The following NR5A2 variants were observed in gnomAD, a reference collection of about 807,000 sequenced individuals.
The protein encoded by NR5A2 is CYP7A promoter-binding factor.
In NR5A2, 26 loss-of-function variants were observed where a neutral mutation model predicts 62.7. That is an observed-to-expected ratio of 0.41 (90% CI 0.30 to 0.58). NR5A2 has a LOEUF of 0.58. NR5A2 is among the 20% of genes least tolerant of loss of function. The pLI, the probability that NR5A2 is intolerant of heterozygous loss-of-function variation, is 0.22. For missense variants in NR5A2, 541 were observed against 669.1 expected, an observed-to-expected ratio of 0.81 and a Z score of 2.11; for synonymous variants, 246 against 241.7, an observed-to-expected ratio of 1.02 and a Z score of -0.16.
intron 1 of NR5A2, among the ~76,000 whole-genome samples, chr1:200,032,238 G>A (rs1190326679): frequency 6.6e-6 from 1 of 152,212 alleles, no homozygotes; most frequent in Admixed American, 6.5e-5. Flanking sequence ...CTTCAGGAGG[G>A]CATTGTGCTC....
chr1:200,133,574 C>T (rs1470010382), intron 7 of NR5A2, among the ~76,000 whole-genome samples: 75 of 127,236 alleles, frequency 5.9e-4, no homozygotes, highest in Middle Eastern at 3.9e-3. Context: ...TATATATATA[C>T]ACATATATAT....
chr1:200,057,826 A>T (rs1371655192), intron 5 of NR5A2: 1 of 170,266 alleles, frequency 5.9e-6, no homozygotes, highest in East Asian at 2.0e-4. Flanking sequence ...AGATGGAGTT[A>T]CACTCTTGTT....
chr1:200,105,463 A>C (rs953854547), intron 5 of NR5A2, among the ~76,000 whole-genome samples: 9 of 152,192 alleles, frequency 5.9e-5, no homozygotes, highest in Non-Finnish European at 5.9e-5. Context: ...ATGGATTCAC[A>C]CTTCTGTCTC....
rs987775691 is a variant in NR5A2, at chr1:200,048,229, G to T, written c.521G>T (p.Arg174Ile). Reference protein sequence around the residue: ...GRNKFGPMYKRDRALKQQKKA... With the variant: ...GRNKFGPMYKIDRALKQQKKA... ...AATAAGTTTGGGCCAATGTACAAGA[G>T]AGACAGGGCCCTGAAGCAACAGAAA... is the stretch of plus-strand genomic sequence containing the variant. The change falls in exon 5 of 8, where the codon AGA (arginine) becomes ATA (isoleucine). Residue 174 changes from arginine to isoleucine, a missense_variant. Transcript: ENST00000367362. This position sits in a 1 kb window ranked among gnomAD's most constrained non-coding sequence, Gnocchi z 4.8. The T allele has an allele frequency of 6.2e-7, 1 of 1,613,910 alleles. No homozygotes were observed. Among genetic ancestry groups the T allele is most frequent in the Non-Finnish European group, 8.5e-7 (1 of 1,180,030 alleles).
intron 1 of NR5A2, 63 bp downstream of exon 1, chr1:200,027,974 C>T (rs1661405844): frequency 8.4e-7 from 1 of 1,183,816 alleles, no homozygotes; most frequent in Admixed American, 2.5e-5. Flanking sequence ...ATAATTTAAT[C>T]TTGTTGATGG....
At chr1:200,113,846 A>C (rs2102297907) in intron 6 of NR5A2, among the ~76,000 whole-genome samples, 1 of 152,326 alleles carries the variant, frequency 6.6e-6, no homozygotes, top group East Asian at 1.9e-4. Context: ...TATATTAAGT[A>C]TAAGAGTAAA....
intron 5 of NR5A2, among the ~76,000 whole-genome samples, chr1:200,078,010 G>T (rs184692238): frequency 1.3e-5 from 2 of 152,278 alleles, no homozygotes; most frequent in African/African-American, 4.8e-5. Context: ...TTGAAGCCTA[G>T]TGATAGTCCC....
rs1456943974 is a variant in NR5A2 at position 200,027,730 on chromosome 1, A to C, written c.-118A>C. 1 of 530,770 alleles carries C rather than the reference A, an allele frequency of 1.9e-6. No homozygotes were observed. Among genetic ancestry groups the C allele is most frequent in the Non-Finnish European group, 3.4e-6 (1 of 298,078 alleles). 32.9% of individuals were successfully genotyped at this position (530,770 alleles called of 1,614,324 possible). A position where few individuals can be genotyped will look rare whatever the true frequency, so the allele number is the denominator to read the frequency against. ...CCTTTGCTTTTTCTTAACTTTCACT[A>C]AGGGTTACTGTAGTCTGATGTGTCC... On this transcript the variant is annotated 5_prime_UTR_variant, in exon 1 of 8. Transcript: ENST00000367362.
intron 1 of NR5A2, chr1:200,038,830 G>T: frequency 8.7e-7 from 1 of 1,145,374 alleles, no homozygotes; most frequent in South Asian, 1.4e-5. Context: ...GTGGGAGGGG[G>T]TGAGGCGGGG....
At chr1:200,133,600 T>TAC (rs559997490) in intron 7 of NR5A2, among the ~76,000 whole-genome samples, 1,237 of 95,118 alleles carry the variant, frequency 0.013, 28 homozygotes, top group African/African-American at 0.052. Flanking sequence ...TATATATATA[T>TAC]ACACATATAT....
chr1:200,040,702 C>T (rs572060681), intron 2 of NR5A2, among the ~76,000 whole-genome samples: 1 of 152,346 alleles, frequency 6.6e-6, no homozygotes, highest in Admixed American at 6.5e-5. Flanking sequence ...CCTGTGATCC[C>T]GGAACGCTTC....
chr1:200,064,910 C>A (rs1326906447), intron 5 of NR5A2, among the ~76,000 whole-genome samples: 8 of 151,994 alleles, frequency 5.3e-5, no homozygotes, highest in Admixed American at 5.2e-4. Context: ...GTCCTTGTTT[C>A]ATATTTAATT....
intron 7 of NR5A2, among the ~76,000 whole-genome samples, chr1:200,162,439 C>T (rs1379513290): frequency 1.3e-5 from 2 of 152,226 alleles, no homozygotes; most frequent in Admixed American, 6.5e-5. Flanking sequence ...TGAAATAAAA[C>T]GGGATAGATA....
chr1:200,160,982 CAAA>C (rs56332154), intron 7 of NR5A2, among the ~76,000 whole-genome samples: 1 of 139,498 alleles, frequency 7.2e-6, no homozygotes, highest in Admixed American at 7.2e-5. Context: ...GACGTGAGTA[CAAA>C]AAAAAAAAAA....
intron 5 of NR5A2, among the ~76,000 whole-genome samples, chr1:200,094,795 G>T (rs527671439): frequency 1.3e-5 from 2 of 151,908 alleles, no homozygotes; most frequent in African/African-American, 4.8e-5. Flanking sequence ...GCCTCCCAAA[G>T]TGCTGGGATT....
intron 5 of NR5A2, among the ~76,000 whole-genome samples, chr1:200,103,807 G>A (rs1424539845): frequency 6.6e-6 from 1 of 152,168 alleles, no homozygotes; most frequent in Non-Finnish European, 1.5e-5. Flanking sequence ...GAAGATTTTC[G>A]AAGAGAAGTC....
In NR5A2 at chr1:200,048,406, C is replaced by A; in HGVS notation, c.698C>A (p.Thr233Lys). 1 of 1,614,246 alleles carries A rather than the reference C, an allele frequency of 6.2e-7. No individual in the cohort carries two copies. Among genetic ancestry groups the A allele is most frequent in the East Asian group, 2.2e-5 (1 of 44,884 alleles). ...LPLNHAALPP[T>K]DYDRSPFVTS... ...CTGAACCATGCTGCCTTGCCTCCTA[C>A]AGACTATGACAGAAGTCCCTTTGTA... The change falls in exon 5 of 8, where the codon ACA becomes AAA. Residue 233 changes from threonine (T) to lysine (K), a missense_variant. Thr to Lys is a moderately conservative substitution (Grantham distance 78). This residue lies in a region of NR5A2 where 379 missense variants were observed against 442.0 expected (regional missense o/e 0.86). Coordinates refer to ENST00000367362, the MANE Select transcript of NR5A2 (RefSeq NM_205860.3). This position sits in a 1 kb window ranked among gnomAD's most constrained non-coding sequence, Gnocchi z 4.8.
chr1:200,133,526 T>TATATAC (rs1416690757), intron 7 of NR5A2, among the ~76,000 whole-genome samples: 3 of 87,420 alleles, frequency 3.4e-5, no homozygotes, highest in African/African-American at 1.5e-4. Context: ...TATATATATA[T>TATATAC]ACACACACAT....
At chr1:200,042,842 T>A (rs972311296) in intron 2 of NR5A2, 1 of 985,546 alleles carries the variant, frequency 1.0e-6, no homozygotes. Flanking sequence ...GTCATCTTTT[T>A]AGCTGCGAAG....
Sources: allele counts gnomAD v4.1 joint callset (sites outside exome capture counted in the v4.1 genomes callset), GRCh38; gene constraint gnomAD v4.1.1; regional missense constraint gnomAD v4.1.1; non-coding constraint Gnocchi (gnomAD v3.1); transcripts MANE v1.5; gene names NCBI Gene and HGNC (gene_info 2026-07-23, HGNC 2026-07-21).